Variants in SPATA6 observed in about 807,000 individuals in gnomAD.
SPATA6 encodes spermatogenesis-associated protein 6.
A neutral mutation model predicts 65.3 loss-of-function variants in SPATA6; 56 were observed. The observed-to-expected ratio is 0.86, with a 90% confidence interval of 0.69 to 1.07. The LOEUF (loss-of-function observed/expected upper bound fraction) is 1.07, where lower values mean the gene tolerates loss of function less well. Among genes scored for constraint, SPATA6 ranks in the 50% least tolerant of loss-of-function variants. The pLI, the probability that SPATA6 is intolerant of heterozygous loss-of-function variation, is 0.00. For missense variants in SPATA6, 590 were observed against 594.8 expected (o/e 0.99, Z 0.08); for synonymous variants, 199 against 213.2 (o/e 0.93, Z 0.58).
intron 1 of SPATA6, among the ~76,000 whole-genome samples, chr1:48,455,799 T>C (rs1210527847): frequency 6.6e-6 from 1 of 152,208 alleles, no homozygotes; most frequent in African/African-American, 2.4e-5. Flanking sequence ...CATTGGAAAC[T>C]GCTGAAGCTC....
At chr1:48,452,587 T>C (rs904347085) in intron 2 of SPATA6, among the ~76,000 whole-genome samples, 12 of 152,144 alleles carry the variant, frequency 7.9e-5, no homozygotes, top group African/African-American at 2.9e-4. Context: ...TTTCCCCATG[T>C]TGACCAGACT....
At chr1:48,468,733 C>G (rs561601011) in intron 1 of SPATA6, among the ~76,000 whole-genome samples, 2 of 151,896 alleles carry the variant, frequency 1.3e-5, no homozygotes, top group East Asian at 3.9e-4. Context: ...TAGAACTGCT[C>G]TATATTAAAA....
rs962435735 is a variant in SPATA6 at position 48,297,961 on chromosome 1, C to T, written c.*752G>A. 11 of 151,982 alleles carry T rather than the reference C, an allele frequency of 7.2e-5. No individual in the cohort carries two copies. Among genetic ancestry groups the T allele is most frequent in the Admixed American group, 5.2e-4 (8 of 15,264 alleles). The allele number at this position is 151,982 out of a possible 1,614,324, so 9.4% of individuals were successfully genotyped here. ...TTTTAGGTTTCTATAAGCTTACTAA[C>T]AGAGGCCATTTTCTGATTCTGGTTG... On this transcript the variant is annotated 3_prime_UTR_variant, in exon 13 of 13. Coordinates refer to ENST00000371847, the MANE Select transcript of SPATA6 (RefSeq NM_019073.4).
At chr1:48,445,121 T>C (rs143367971) in intron 3 of SPATA6, among the ~76,000 whole-genome samples, 2 of 152,318 alleles carry the variant, frequency 1.3e-5, no homozygotes, top group African/African-American at 4.8e-5. Context: ...AGATTCCACA[T>C]TGGTTCAATA....
chr1:48,311,928 G>A (rs763628803), intron 11 of SPATA6, among the ~76,000 whole-genome samples: 5 of 152,186 alleles, frequency 3.3e-5, no homozygotes, highest in South Asian at 2.1e-4. Context: ...TGTATCCCGC[G>A]ATTGGCTTGG....
intron 8 of SPATA6, among the ~76,000 whole-genome samples, chr1:48,387,456 A>G (rs975577142): frequency 1.3e-5 from 2 of 152,114 alleles, no homozygotes; most frequent in African/African-American, 4.8e-5. Context: ...AGTGGTATAC[A>G]TGCTCCCCAC....
chr1:48,329,924 G>C (rs150378547), intron 11 of SPATA6, among the ~76,000 whole-genome samples: 27 of 152,314 alleles, frequency 1.8e-4, no homozygotes, highest in African/African-American at 5.3e-4. Flanking sequence ...CTTCTAGACT[G>C]AGGCAGAGAG....
chr1:48,416,104 G>A (rs1355261876), intron 3 of SPATA6, among the ~76,000 whole-genome samples: 3 of 152,124 alleles, frequency 2.0e-5, no homozygotes, highest in South Asian at 4.2e-4. Context: ...TCGGGAGGCT[G>A]AGGTAGGAGA....
At chr1:48,369,267 A>C (rs1312268332) in intron 9 of SPATA6, among the ~76,000 whole-genome samples, 2 of 152,194 alleles carry the variant, frequency 1.3e-5, no homozygotes, top group East Asian at 1.9e-4. Flanking sequence ...GCAGTCTGCC[A>C]GTTCTCAGAT....
chr1:48,317,507 T>A (rs1645470682), intron 11 of SPATA6, among the ~76,000 whole-genome samples: 1 of 149,310 alleles, frequency 6.7e-6, no homozygotes, highest in Admixed American at 6.7e-5. Context: ...AAGGGGAACA[T>A]CACACACTGG....
chr1:48,453,651 T>A (rs1479744220), intron 1 of SPATA6, among the ~76,000 whole-genome samples: 46 of 152,152 alleles, frequency 3.0e-4, no homozygotes, highest in Admixed American at 3.0e-3. Flanking sequence ...TCTAGCCCAA[T>A]AAAGTACTTT....
At chr1:48,340,241 TAAAAAAA>T (rs58721253) in intron 11 of SPATA6, among the ~76,000 whole-genome samples, 15 of 53,058 alleles carry the variant, frequency 2.8e-4, no homozygotes, top group African/African-American at 2.2e-3. Flanking sequence ...AGGCCTGCAC[TAAAAAAA>T]AAAAAAAAAA....
intron 9 of SPATA6, among the ~76,000 whole-genome samples, chr1:48,362,840 A>G (rs951885236): frequency 5.3e-5 from 8 of 152,276 alleles, no homozygotes; most frequent in African/African-American, 1.7e-4. Context: ...GGCTATTTCT[A>G]TACAAATGTA....
At chr1:48,368,808 C>A (rs1332195226) in intron 9 of SPATA6, among the ~76,000 whole-genome samples, 3 of 152,232 alleles carry the variant, frequency 2.0e-5, no homozygotes, top group Admixed American at 6.5e-5. Flanking sequence ...CAACATCATT[C>A]TCCGTCCAGC....
At chr1:48,428,809 G>GTGTGTGTATA (rs144421737) in intron 3 of SPATA6, among the ~76,000 whole-genome samples, 5 of 137,666 alleles carry the variant, frequency 3.6e-5, no homozygotes, top group Non-Finnish European at 6.1e-5. Flanking sequence ...GTGTGTGTGT[G>GTGTGTGTATA]TATATGTATA....
chr1:48,381,048 A>C (rs890456213), intron 9 of SPATA6, among the ~76,000 whole-genome samples: 1 of 152,158 alleles, frequency 6.6e-6, no homozygotes, highest in African/African-American at 2.4e-5. Context: ...TAGATCCCTC[A>C]TATGCACAGC....
chr1:48,382,408 G>A (rs1648763979), intron 9 of SPATA6, among the ~76,000 whole-genome samples: 1 of 139,872 alleles, frequency 7.1e-6, no homozygotes, highest in Non-Finnish European at 1.5e-5. Flanking sequence ...AGTAGGGGCG[G>A]CCGGGCAGAG....
intron 7 of SPATA6, 42 bp downstream of exon 7, chr1:48,399,309 A>AG: frequency 6.4e-7 from 1 of 1,563,676 alleles, no homozygotes; most frequent in Non-Finnish European, 8.6e-7. Context: ...TTGGGAAAAA[A>AG]GCTGATCAGT....
At chr1:48,337,285 A>G (rs1343646425) in intron 11 of SPATA6, among the ~76,000 whole-genome samples, 4 of 151,940 alleles carry the variant, frequency 2.6e-5, no homozygotes, top group Admixed American at 6.6e-5. Flanking sequence ...GTGGTAGCAG[A>G]ATAATCATCT....
Sources: gnomAD v4.1 joint callset for allele counts (sites outside exome capture counted in the v4.1 genomes callset) on GRCh38, gnomAD v4.1.1 for gene constraint, MANE v1.5 for transcripts, NCBI Gene and HGNC (gene_info 2026-07-23, HGNC 2026-07-21) for gene names.